HYAL3: variants seen among roughly 807,000 people sequenced by gnomAD.
HYAL3 encodes hyaluronidase 3, also known as hyaluronidase-3.
Under a neutral mutation model 29.6 loss-of-function variants are expected in HYAL3, and 25 were observed. The observed-to-expected ratio is 0.85, with a 90% CI of 0.62 to 1.18. The LOEUF (loss-of-function observed/expected upper bound fraction) is 1.18, where lower values mean the gene tolerates loss of function less well. HYAL3 is among the 50% of genes most tolerant of loss of function. The pLI is 0.00. For missense variants in HYAL3, 442 were observed against 548.4 expected, an observed-to-expected ratio of 0.81 and a Z score of 1.94; for synonymous variants, 215 against 218.3, an observed-to-expected ratio of 0.99 and a Z score of 0.13.
chr3:50,298,971 CAG>C (rs782749991), intron 1 of HYAL3: 44 of 1,447,286 alleles, frequency 3.0e-5, no homozygotes, highest in Non-Finnish European at 3.9e-5. Flanking sequence ...CCGGGGTCCT[CAG>C]AGAGTGGCTT....
intron 1 of HYAL3, chr3:50,296,589 T>C (rs781836755): frequency 6.2e-7 from 1 of 1,613,096 alleles, no homozygotes; most frequent in Non-Finnish European, 8.5e-7. Context: ...GACAGTTCCT[T>C]GCCCTGGATG....
Position 50,295,460 on chromosome 3 carries a change from A to C in HYAL3, c.143T>G (p.Val48Gly). The part of the protein sequence containing the change: ...PSAHCEARFG[V>G]HLPLNALGII... ...GCCCAGAGCATTGAGTGGCAGGTGCACACCAAAGCGGGCCTCACAGTGTGC... is the reference window on the plus strand; with the variant it reads ...GCCCAGAGCATTGAGTGGCAGGTGCCCACCAAAGCGGGCCTCACAGTGTGC... Residue 48 changes from valine (V) to glycine (G), a missense_variant, in exon 2 of 4, where the codon GTG becomes GGG. Transcript: ENST00000336307. 1.2e-6 allele frequency: 2 copies of C among 1,614,062 alleles called. No homozygotes were observed. The highest frequency in any genetic ancestry group is 4.5e-5 in the East Asian group (2 of 44,882).
intron 1 of HYAL3, chr3:50,296,567 T>C (rs782807592): frequency 8.7e-6 from 14 of 1,603,304 alleles, no homozygotes; most frequent in Middle Eastern, 1.8e-4. Flanking sequence ...GGGCAGTCTA[T>C]TGAACCAGAA....
chr3:50,298,711 C>G, intron 1 of HYAL3: 4 of 988,064 alleles, frequency 4.0e-6, no homozygotes, highest in Non-Finnish European at 4.8e-6. Flanking sequence ...GAGGGGGCCT[C>G]CTGGCTCCCC....
chr3:50,296,604 C>G (rs782643393), intron 1 of HYAL3: 1 of 1,613,880 alleles, frequency 6.2e-7, no homozygotes, highest in African/African-American at 1.3e-5. Context: ...TGGATGGCCT[C>G]AGATGTCTTT....
At chr3:50,298,671 T>C (rs1157103498) in intron 1 of HYAL3, 2 of 814,506 alleles carry the variant, frequency 2.5e-6, no homozygotes, top group South Asian at 5.0e-5. Flanking sequence ...GGCGGGCAGC[T>C]GAGCCCCCTC....
chr3:50,297,649 C>A lies in HYAL3; in HGVS notation c.-18+1564G>T, dbSNP rs1218987624. ...CCCCAGTCTCCAGGCAGTAGCATCT[C>A]TTCAGACCACAGTGGCTCTCCTCCT... On this transcript the variant is annotated intron_variant, in intron 1 of 3. Coordinates refer to ENST00000336307, the MANE Select transcript of HYAL3 (RefSeq NM_003549.4). The surrounding 1 kb of genome is among the most constrained non-coding windows in gnomAD (Gnocchi z 4.3). The A allele has an allele frequency of 2.8e-6, 4 of 1,430,166 alleles. No individual in the cohort carries two copies. The highest frequency in any genetic ancestry group is 3.0e-5 in the Admixed American group (1 of 33,416). 88.6% of individuals were successfully genotyped at this position (1,430,166 alleles called of 1,614,324 possible).
Position 50,295,374 on chromosome 3 carries a change from G to C in HYAL3, c.229C>G (p.Gln77Glu), listed in dbSNP as rs781939755. The C allele has an allele frequency of 5.0e-6, 8 of 1,614,202 alleles. No individual in the cohort carries two copies. The Admixed American group carries it at 6.7e-5, about 13-fold the overall frequency. ...GQNMTIFYKN[Q>E]LGLYPYFGPR... Reference sequence around the variant, plus strand: ...CCAAAGTAGGGATAGAGGCCGAGTTGGTTCTTGTAGAAAATGGTCATGTTC... The same window carrying C: ...CCAAAGTAGGGATAGAGGCCGAGTTCGTTCTTGTAGAAAATGGTCATGTTC... The change falls in exon 2 of 4, where the codon CAA (glutamine) becomes GAA (glutamate). Residue 77 changes from glutamine (Q) to glutamate (E), a missense_variant. Physicochemically the swap from Gln to Glu is conservative, Grantham distance 29. Transcript: ENST00000336307.
intron 2 of HYAL3, 84 bp from the exon 3 acceptor site, chr3:50,293,805 T>G (rs2109282022): frequency 8.3e-7 from 1 of 1,199,132 alleles, no homozygotes; most frequent in South Asian, 1.2e-5. Context: ...CTCTTCTGGT[T>G]CACTGTCACA....
At position 50,293,533 on chromosome 3, in the gene HYAL3, T is replaced by TA; in HGVS notation, c.985-19dup. 6.2e-7 allele frequency: 1 copy of TA among 1,611,268 alleles called. No homozygotes were observed. The highest frequency in any genetic ancestry group is 1.1e-5 in the South Asian group (1 of 91,036). On this transcript the variant is annotated intron_variant, in intron 3 of 3. Transcript: ENST00000336307. ...CACTCCTCCTGAGGAGAAGGGAAGA[T>TA]ATGTGTCAATATGCCTGCTCTATAA...
At position 50,299,311 on chromosome 3, in the gene HYAL3, GC is replaced by G; in HGVS notation, c.-117del. On this transcript the variant is annotated 5_prime_UTR_variant, in exon 1 of 4. Coordinates refer to ENST00000336307, the MANE Select transcript of HYAL3 (RefSeq NM_003549.4). ...CGGACTCCTCGGTCCGACAACGTTGGCCCCCAGCGGTGCGGCGGATGTTCTG... is the reference window on the plus strand; with the variant it reads ...CGGACTCCTCGGTCCGACAACGTTGGCCCCAGCGGTGCGGCGGATGTTCTG... 1 of 1,607,328 alleles carries G rather than the reference GC, an allele frequency of 6.2e-7. No homozygotes were observed. Among genetic ancestry groups the G allele is most frequent in the Non-Finnish European group, 8.5e-7 (1 of 1,177,870 alleles).
At position 50,295,290 on chromosome 3, in the gene HYAL3, G is replaced by C; in HGVS notation, c.313C>G (p.Leu105Val). 6.2e-7 allele frequency: 1 copy of C among 1,614,124 alleles called. No homozygotes were observed. The highest frequency in any genetic ancestry group is 8.5e-7 in the Non-Finnish European group (1 of 1,180,020). The change falls in exon 2 of 4, where the codon CTG becomes GTG. Residue 105 changes from leucine to valine, a missense_variant. Transcript: ENST00000336307. ...IPQALPLDRH[L>V]ALAAYQIHHS... The stretch of plus-strand genomic sequence containing the variant: ...TGGATCTGGTAGGCAGCCAGTGCCA[G>C]GTGGCGGTCAAGGGGCAAAGCCTGG...
rs587619461 is a variant in HYAL3 at position 50,298,042 on chromosome 3, C to T, written c.-18+1171G>A. ...TCTATAAAACAGCCGACCCAATCTA[C>T]TTGCTGGCCTTCTGTCTTCCAGTAG... On this transcript the variant is annotated intron_variant, in intron 1 of 3. Transcript: ENST00000336307. The T allele has an allele frequency of 1.0e-5, 10 of 985,790 alleles. No homozygotes were observed. In the East Asian group the frequency reaches 1.0e-3, roughly 101 times the overall value. 61.1% of individuals were successfully genotyped at this position (985,790 alleles called of 1,614,324 possible).
chr3:50,298,986 C>T, intron 1 of HYAL3: 1 of 1,457,072 alleles, frequency 6.9e-7, no homozygotes, highest in Non-Finnish European at 9.0e-7. Flanking sequence ...AGTGGCTTCT[C>T]CGTCTCTCCC....
chr3:50,296,528 G>A (rs1553711159), intron 1 of HYAL3: 1 of 1,529,562 alleles, frequency 6.5e-7, no homozygotes, highest in Admixed American at 1.8e-5. Context: ...CTGAGGTATG[G>A]TCAGTGGGCT....
In HYAL3 at chr3:50,299,222, C is replaced by A. The variant is rs1476455152; in HGVS notation, c.-27G>T. ...AGGGTGCGGTACTGACATGTTGATGCTGGCCTCTGGGATGTTCCGCGTCCT... is the reference window on the plus strand; with the variant it reads ...AGGGTGCGGTACTGACATGTTGATGATGGCCTCTGGGATGTTCCGCGTCCT... On this transcript the variant is annotated 5_prime_UTR_variant, in exon 1 of 4. Transcript: ENST00000336307. 1 of 1,614,184 alleles carries A rather than the reference C, an allele frequency of 6.2e-7. No individual in the cohort carries two copies. The highest frequency in any genetic ancestry group is 1.7e-5 in the Admixed American group (1 of 60,038).
Position 50,295,107 on chromosome 3 carries a change from G to C in HYAL3, c.496C>G (p.Leu166Val). The stretch of plus-strand genomic sequence containing the variant: ...TCAAAGCCAGTATAGGCCTTGTAGA[G>C]CTGCTCCTGAGGGTCCAGGTCAGGG... ...VFPDLDPQEQ[L>V]YKAYTGFEQA... The change falls in exon 2 of 4, where the codon CTC becomes GTC. Residue 166 changes from leucine to valine, a missense_variant. Transcript: ENST00000336307. 6.2e-7 allele frequency: 1 copy of C among 1,613,620 alleles called. No individual in the cohort carries two copies. The highest frequency in any genetic ancestry group is 8.5e-7 in the Non-Finnish European group (1 of 1,180,006).
Position 50,297,191 on chromosome 3 carries a change from C to G in HYAL3, c.-17-1572G>C. The G allele has an allele frequency of 1.2e-6, 2 of 1,612,154 alleles. No individual in the cohort carries two copies. The highest frequency in any genetic ancestry group is 1.7e-6 in the Non-Finnish European group (2 of 1,178,966). On this transcript the variant is annotated intron_variant, in intron 1 of 3. Coordinates refer to ENST00000336307, the MANE Select transcript of HYAL3 (RefSeq NM_003549.4). This position sits in a 1 kb window ranked among gnomAD's most constrained non-coding sequence, Gnocchi z 4.3. ...CATCTGAGGACTGGCCCAGGGAGTG[C>G]AGGCGGGAGGTGCGGCTGCGGGGCC...
rs1701728190 is a variant in HYAL3, at chr3:50,293,332, A to G, written c.1168T>C (p.Trp390Arg). The G allele has an allele frequency of 6.2e-7, 1 of 1,613,320 alleles. No homozygotes were observed. Among genetic ancestry groups the G allele is most frequent in the Non-Finnish European group, 8.5e-7 (1 of 1,180,028 alleles). Residue 390 changes from tryptophan (W) to arginine (R), a missense_variant, in exon 4 of 4, where the codon TGG (tryptophan) becomes CGG (arginine). Trp to Arg is a moderately radical substitution (Grantham distance 101). Transcript: ENST00000336307. ...HLWPDGSLGD[W>R]KSFSCHCYWG... Reference sequence around the variant, plus strand: ...TAACAGTGGCAGCTGAAGGACTTCCAATCTCCAAGGCTGCCGTCTGGCCAC... The same window carrying G: ...TAACAGTGGCAGCTGAAGGACTTCCGATCTCCAAGGCTGCCGTCTGGCCAC...
Sources: gnomAD v4.1 joint callset for allele counts on GRCh38, gnomAD v4.1.1 for gene constraint, Gnocchi (gnomAD v3.1) non-coding constraint, MANE v1.5 for transcripts, NCBI Gene and HGNC (gene_info 2026-07-23, HGNC 2026-07-21) for gene names.